The following LYPD6B variants were observed in gnomAD, a reference collection of about 807,000 sequenced individuals.
LYPD6B encodes the protein LY6/PLAUR domain containing 6B.
In LYPD6B, 17 loss-of-function variants were observed where a neutral mutation model predicts 22.8. That is an observed-to-expected ratio of 0.75 (90% CI 0.51 to 1.12). The LOEUF is 1.12. Ranked by LOEUF, LYPD6B falls within the 50% of genes most tolerant of loss-of-function variation. LYPD6B has a pLI of 0.00. For synonymous variants in LYPD6B, 106 were observed against 91.6 expected, an observed-to-expected ratio of 1.16 and a Z score of -0.90; for missense variants, 221 against 258.3, an observed-to-expected ratio of 0.86 and a Z score of 0.99.
intron 6 of LYPD6B, 52 bp from the exon 7 acceptor site, chr2:149,214,494 C>G (rs1694071150): frequency 3.2e-6 from 5 of 1,564,388 alleles, no homozygotes; most frequent in Admixed American, 1.7e-5. Flanking sequence ...TTCTTTTGCC[C>G]CTTCCCTCTT....
intron 1 of LYPD6B, among the ~76,000 whole-genome samples, chr2:149,093,185 G>A (rs982750316): frequency 8.5e-5 from 13 of 152,208 alleles, no homozygotes; most frequent in Admixed American, 2.6e-4. Flanking sequence ...GAGGAAGAGC[G>A]TTTGGGAATG....
chr2:149,132,290 C>T (rs1310141422), intron 2 of LYPD6B, among the ~76,000 whole-genome samples: 3 of 149,530 alleles, frequency 2.0e-5, no homozygotes, highest in African/African-American at 7.4e-5. Flanking sequence ...ACCCAGGGAG[C>T]CTGGGACAGA....
chr2:149,168,350 T>C (rs995944531), intron 3 of LYPD6B, among the ~76,000 whole-genome samples: 1 of 152,068 alleles, frequency 6.6e-6, no homozygotes, highest in Non-Finnish European at 1.5e-5. Context: ...CAGTCCACAG[T>C]AGCAGCCACT....
intron 6 of LYPD6B, 29 bp downstream of exon 6, chr2:149,213,151 T>C: frequency 6.2e-7 from 1 of 1,611,688 alleles, no homozygotes; most frequent in Non-Finnish European, 8.5e-7. Context: ...TGTTATTGTC[T>C]AAACTTTCAT....
intron 1 of LYPD6B, among the ~76,000 whole-genome samples, chr2:149,093,225 G>A (rs926426372): frequency 3.3e-5 from 5 of 152,076 alleles, no homozygotes; most frequent in Admixed American, 1.3e-4. Flanking sequence ...TTTTGGCAAC[G>A]ATCAAAGGAG....
intron 4 of LYPD6B, chr2:149,205,968 G>A (rs977909969): frequency 2.0e-5 from 9 of 458,100 alleles, no homozygotes; most frequent in Middle Eastern, 4.1e-4. Context: ...ACATACATAT[G>A]TCTAGATATG....
rs376779764 is a variant in LYPD6B at position 149,213,105 on chromosome 2, C to T, written c.442C>T (p.Arg148Ter). 3.1e-6 allele frequency: 5 copies of T among 1,613,614 alleles called. No individual in the cohort carries two copies. In the South Asian group the frequency reaches 3.3e-5, roughly 11 times the overall value. ...TCATTTTGTCGGTTGCCACCACAGC[C>T]GAGATTCTGAACATACGGTAAGGAT... ...ECHFVGCHHS[R>*]DSEHTECRSC... is the part of the protein sequence containing the mutation. The change falls in exon 6 of 7, where the codon CGA becomes TGA. Residue 148 changes from arginine to a stop codon, truncating the protein, a stop_gained. Coordinates refer to ENST00000409642, the MANE Select transcript of LYPD6B (RefSeq NM_177964.5). LOFTEE classifies it high-confidence loss of function.
At chr2:149,105,931 A>G (rs1686450859) in intron 1 of LYPD6B, among the ~76,000 whole-genome samples, 1 of 152,140 alleles carries the variant, frequency 6.6e-6, no homozygotes, top group Non-Finnish European at 1.5e-5. Flanking sequence ...GGTTTTTCAT[A>G]GATACTGTAC....
In LYPD6B at chr2:149,160,781, C is replaced by T. The variant is rs1232917114; in HGVS notation, c.23C>T (p.Ala8Val). MLLITLS[A>V]NLFTVPERSL... Reference sequence around the variant, plus strand: ...TCTGGTAGGCTGATTACTCTGAGTGCAAACCTTTTCACTGTTCCAGAGAGG... The same window carrying T: ...TCTGGTAGGCTGATTACTCTGAGTGTAAACCTTTTCACTGTTCCAGAGAGG... Residue 8 changes from alanine (A) to valine (V), a missense_variant, in exon 3 of 7, where the codon GCA becomes GTA. By Grantham distance (64) the Ala-to-Val change is moderately conservative (BLOSUM62 0). Coordinates refer to ENST00000409642, the MANE Select transcript of LYPD6B (RefSeq NM_177964.5). 11 of 1,555,706 alleles carry T rather than the reference C, an allele frequency of 7.1e-6. No individual in the cohort carries two copies. In the South Asian group the frequency reaches 1.1e-4, roughly 15 times the overall value.
At chr2:149,120,671 C>T (rs1434347948) in intron 1 of LYPD6B, among the ~76,000 whole-genome samples, 5 of 150,972 alleles carry the variant, frequency 3.3e-5, no homozygotes, top group Admixed American at 6.6e-5. Context: ...GCATGAGTCA[C>T]GGCGCCTGGC....
intron 3 of LYPD6B, among the ~76,000 whole-genome samples, chr2:149,171,072 C>G (rs150859680): frequency 6.6e-6 from 1 of 152,158 alleles, no homozygotes; most frequent in Non-Finnish European, 1.5e-5. Context: ...CATGTCCTGT[C>G]GGGTCAGTGT....
intron 2 of LYPD6B, among the ~76,000 whole-genome samples, chr2:149,135,804 T>C (rs1688333002): frequency 1.3e-5 from 2 of 150,870 alleles, no homozygotes; most frequent in African/African-American, 2.4e-5. Context: ...AAGAAAGAAT[T>C]AAGAAGCCTC....
At chr2:149,083,217 G>C (rs116494942) in intron 1 of LYPD6B, among the ~76,000 whole-genome samples, 2,405 of 152,266 alleles carry the variant, frequency 0.016, 58 homozygotes, top group African/African-American at 0.055. Context: ...TGCTGTGTCT[G>C]CTCTTCTGTC....
intron 2 of LYPD6B, among the ~76,000 whole-genome samples, chr2:149,151,835 C>G (rs1228142416): frequency 6.6e-6 from 1 of 152,142 alleles, no homozygotes; most frequent in Non-Finnish European, 1.5e-5. Flanking sequence ...TATATCACAC[C>G]TCAGCTCCAA....
intron 1 of LYPD6B, among the ~76,000 whole-genome samples, chr2:149,044,126 T>A (rs1190700122): frequency 6.6e-6 from 1 of 152,066 alleles, no homozygotes; most frequent in African/African-American, 2.4e-5. Context: ...TGCCTTTCCA[T>A]ATGAATTCTA....
At chr2:149,085,386 G>GT (rs1214373789) in intron 1 of LYPD6B, among the ~76,000 whole-genome samples, 4 of 152,250 alleles carry the variant, frequency 2.6e-5, no homozygotes, top group Non-Finnish European at 4.4e-5. Flanking sequence ...TGCCCTTGCA[G>GT]TAGGAACCCA....
At chr2:149,084,104 T>TAAA (rs1197178138) in intron 1 of LYPD6B, among the ~76,000 whole-genome samples, 1 of 151,654 alleles carries the variant, frequency 6.6e-6, no homozygotes, top group Non-Finnish European at 1.5e-5. Context: ...ATCTCAAAAA[T>TAAA]AAAATAAAAT....
chr2:149,172,760 C>T (rs552602727), intron 3 of LYPD6B, among the ~76,000 whole-genome samples: 17 of 152,140 alleles, frequency 1.1e-4, no homozygotes, highest in African/African-American at 3.6e-4. Flanking sequence ...CTGAACAGAA[C>T]GAAAAGGCAG....
chr2:149,069,167 G>C (rs1323119342), intron 1 of LYPD6B, among the ~76,000 whole-genome samples: 1 of 146,222 alleles, frequency 6.8e-6, no homozygotes, highest in Non-Finnish European at 1.5e-5. Flanking sequence ...TGTCCATTTT[G>C]TGGGTGGGCT....
Sources: allele counts gnomAD v4.1 joint callset (sites outside exome capture counted in the v4.1 genomes callset), GRCh38; gene constraint gnomAD v4.1.1; transcripts MANE v1.5; gene names NCBI Gene and HGNC (gene_info 2026-07-23, HGNC 2026-07-21).